GPX4: variants seen among roughly 807,000 people sequenced by gnomAD.
GPX4 encodes the protein glutathione peroxidase 4.
A neutral mutation model predicts 27.8 loss-of-function variants in GPX4; 28 were observed. The observed-to-expected ratio is 1.01, with a 90% CI of 0.75 to 1.38. The LOEUF is 1.38. GPX4 is among the 40% of genes most tolerant of loss of function. The probability of loss-of-function intolerance (pLI) is 0.00; values close to 1 mark genes in which losing one functional copy is unlikely to be tolerated. For synonymous variants in GPX4, 163 were observed against 107.8 expected, an observed-to-expected ratio of 1.51 and a Z score of -3.17; for missense variants, 357 against 274.1, an observed-to-expected ratio of 1.30 and a Z score of -2.14.
chr19:1,104,105 CGCCTG>C lies in GPX4; in HGVS notation c.71_75del (p.Leu24ArgfsTer30). 6.6e-7 allele frequency: 1 copy of C among 1,505,690 alleles called. No homozygotes were observed. The highest frequency in any genetic ancestry group is 8.8e-7 in the Non-Finnish European group (1 of 1,134,250). The allele number at this position is 1,505,690 out of a possible 1,614,324, so 93.3% of individuals were successfully genotyped here. On this transcript the variant is annotated frameshift_variant, in exon 1 of 7. Transcript: ENST00000354171. LOFTEE classifies it high-confidence loss of function. ...GCGCTGCTCTGTGGGGCTCTGGCCG[CGCCTG>C]GCCTGGCCGGGACCATGGTGAGCTA...
Position 1,105,576 on chromosome 19 carries a change from G to A in GPX4, c.324+66G>A, listed in dbSNP as rs1018888507. On this transcript the variant is annotated intron_variant, in intron 3 of 6. Transcript: ENST00000354171. ...TGGGGGTCGGGGTGGGCTCCAGCCTGGAGAGGGCCTGGGAGTGTGCAGGGG... is the reference window on the plus strand; with the variant it reads ...TGGGGGTCGGGGTGGGCTCCAGCCTAGAGAGGGCCTGGGAGTGTGCAGGGG... 4 of 1,601,614 alleles carry A rather than the reference G, an allele frequency of 2.5e-6. No homozygotes were observed. In the Admixed American group the frequency reaches 5.1e-5, roughly 20 times the overall value.
chr19:1,105,894 G>A, intron 4 of GPX4, 85 bp downstream of exon 4: 1 of 1,438,612 alleles, frequency 7.0e-7, no homozygotes, highest in Non-Finnish European at 9.3e-7. Flanking sequence ...GGGCAGAATG[G>A]CTCATGGCTC....
chr19:1,106,203 GCTGC>G, intron 4 of GPX4, 35 bp from the exon 5 acceptor site: 1 of 1,573,680 alleles, frequency 6.4e-7, no homozygotes, highest in Non-Finnish European at 8.6e-7. Context: ...ACTGTGGGGG[GCTGC>G]TGGGGACGCT....
intron 1 of GPX4, chr19:1,104,968 T>A (rs1389785039): frequency 6.8e-7 from 1 of 1,475,402 alleles, no homozygotes; most frequent in African/African-American, 1.4e-5. Context: ...TGTGGCACAT[T>A]TTGGGGTTGG....
chr19:1,106,586 T>C lies in GPX4; in HGVS notation c.*14T>C, dbSNP rs371481974. 3.8e-4 allele frequency: 609 copies of C among 1,613,252 alleles called. 4 individuals carry two copies. In the South Asian group the frequency reaches 5.8e-3, roughly 15 times the overall value. On this transcript the variant is annotated 3_prime_UTR_variant, in exon 7 of 7. Transcript: ENST00000354171. ...CACTATTTCTAGCTCCACAAGTGTG[T>C]GGCCCCGCCCGAGCCCCTGCCCACG...
rs147209672 is a variant in GPX4, at chr19:1,105,528, C to CG, written c.324+22dup. On this transcript the variant is annotated intron_variant, in intron 3 of 6. Coordinates refer to ENST00000354171, the MANE Select transcript of GPX4 (RefSeq NM_002085.5). Reference sequence around the variant, plus strand: ...GGAAGCAGGTGGGCTGCTGCGTCCCCGGGGCCCGCAGAGGCGGGTGGGTGG... The same window carrying CG: ...GGAAGCAGGTGGGCTGCTGCGTCCCCGGGGGCCCGCAGAGGCGGGTGGGTGG... The CG allele has an allele frequency of 4.4e-5, 41 of 927,038 alleles. No individual in the cohort carries two copies. The African/African-American group carries it at 6.0e-4, about 14-fold the overall frequency. The allele number at this position is 927,038 out of a possible 1,614,324, so 57.4% of individuals were successfully genotyped here. A position where few individuals can be genotyped will look rare whatever the true frequency, so the allele number is the denominator to read the frequency against.
chr19:1,104,765 C>G, intron 1 of GPX4: 1 of 986,958 alleles, frequency 1.0e-6, no homozygotes, highest in Non-Finnish European at 1.2e-6. Context: ...CTCCCCCGGG[C>G]GCCGCAGGCA....
Position 1,106,650 on chromosome 19 carries a change from T to G in GPX4, c.*78T>G. The G allele has an allele frequency of 6.3e-7, 1 of 1,586,656 alleles. No homozygotes were observed. Among genetic ancestry groups the G allele is most frequent in the Non-Finnish European group, 8.6e-7 (1 of 1,164,220 alleles). The stretch of plus-strand genomic sequence containing the variant: ...CCACCGGCACTCATGACGGCCTGCC[T>G]GCAAACCTGCTGGTGGGGCAGACCC... On this transcript the variant is annotated 3_prime_UTR_variant, in exon 7 of 7. Transcript: ENST00000354171.
intron 6 of GPX4, 22 bp downstream of exon 6, chr19:1,106,481 C>T (rs761538444): frequency 4.3e-5 from 70 of 1,610,600 alleles, no homozygotes; most frequent in African/African-American, 1.1e-4. Flanking sequence ...CTAGGGAGCC[C>T]GCTTGAGGCT....
At position 1,106,411 on chromosome 19, in the gene GPX4, C is replaced by T. The variant is rs1192146377; in HGVS notation, c.513C>T (p.Asp171=). ...CCGTCTCTCCACAGTTCCTCATCGA[C>T]AAGAACGGCTGCGTGGTGAAGCGCT... ...IKWNFTKFLI[D]KNGCVVKRYG... The change falls in exon 6 of 7, where the codon GAC becomes GAT. Residue 171 remains aspartate (D), a synonymous_variant. Coordinates refer to ENST00000354171, the MANE Select transcript of GPX4 (RefSeq NM_002085.5). 4 of 1,613,558 alleles carry T rather than the reference C, an allele frequency of 2.5e-6. No individual in the cohort carries two copies. Among genetic ancestry groups the T allele is most frequent in the Admixed American group, 1.7e-5 (1 of 60,012 alleles).
In GPX4 at chr19:1,106,531, C is replaced by A; in HGVS notation, c.562-9C>A. 6.2e-7 allele frequency: 1 copy of A among 1,613,116 alleles called. No homozygotes were observed. The highest frequency in any genetic ancestry group is 1.1e-5 in the South Asian group (1 of 91,076). On this transcript the variant is annotated splice_polypyrimidine_tract_variant and intron_variant, in intron 6 of 6. Transcript: ENST00000354171. Reference sequence around the variant, plus strand: ...GTAGCTGCCCTAACCCAGCTTTCCTCCCCGACAGGTGATAGAGAAGGACCT... The same window carrying A: ...GTAGCTGCCCTAACCCAGCTTTCCTACCCGACAGGTGATAGAGAAGGACCT...
At chr19:1,105,125 C>T in intron 1 of GPX4, 61 bp from the exon 2 acceptor site, 7 of 1,588,368 alleles carry the variant, frequency 4.4e-6, no homozygotes, top group Non-Finnish European at 6.0e-6. Context: ...CCCTTCCTGC[C>T]TCAGGGTCCC....
Position 1,106,609 on chromosome 19 carries a change from A to G in GPX4, c.*37A>G. On this transcript the variant is annotated 3_prime_UTR_variant, in exon 7 of 7. Coordinates refer to ENST00000354171, the MANE Select transcript of GPX4 (RefSeq NM_002085.5). ...TGTGGCCCCGCCCGAGCCCCTGCCC[A>G]CGCCCTTGGAGCCTTCCACCGGCAC... 6.2e-7 allele frequency: 1 copy of G among 1,612,100 alleles called. No homozygotes were observed. The highest frequency in any genetic ancestry group is 8.5e-7 in the Non-Finnish European group (1 of 1,179,390).
chr19:1,105,637 C>CA, intron 3 of GPX4, 21 bp from the exon 4 acceptor site: 2 of 1,611,024 alleles, frequency 1.2e-6, no homozygotes, highest in Non-Finnish European at 8.5e-7. Context: ...CCGACTCACT[C>CA]ACACACCTTG....
At position 1,105,479 on chromosome 19, in the gene GPX4, T is replaced by C; in HGVS notation, c.293T>C (p.Leu98Pro). 2 of 1,499,306 alleles carry C rather than the reference T, an allele frequency of 1.3e-6. No homozygotes were observed. Among genetic ancestry groups the C allele is most frequent in the Non-Finnish European group, 1.8e-6 (2 of 1,110,760 alleles). The allele number at this position is 1,499,306 out of a possible 1,614,324, so 92.9% of individuals were successfully genotyped here. ...TACGCTGAGTGTGGTTTGCGGATCCTGGCCTTCCCGTGTAACCAGTTCGGG... is the reference window on the plus strand; with the variant it reads ...TACGCTGAGTGTGGTTTGCGGATCCCGGCCTTCCCGTGTAACCAGTTCGGG... ...ARYAECGLRILAFPCNQFGKQ... is the reference protein window; with the variant it reads ...ARYAECGLRIPAFPCNQFGKQ... Residue 98 changes from leucine (L) to proline (P), a missense_variant, in exon 3 of 7, where the codon CTG (leucine) becomes CCG (proline). Coordinates refer to ENST00000354171, the MANE Select transcript of GPX4 (RefSeq NM_002085.5).
At chr19:1,105,845 TGGGGGTGGG>T in intron 4 of GPX4, 36 bp downstream of exon 4, 1 of 91,714 alleles carries the variant, frequency 1.1e-5, no homozygotes, top group Non-Finnish European at 2.3e-5. Flanking sequence ...GCTGCTGGGG[TGGGGGTGGG>T]GGGGCTGCTG....
In GPX4 at chr19:1,106,611, G is replaced by A. The variant is rs371303341; in HGVS notation, c.*39G>A. 3.2e-5 allele frequency: 52 copies of A among 1,611,580 alleles called. 1 individual carries two copies. Among genetic ancestry groups the A allele is most frequent in the African/African-American group, 1.6e-4 (12 of 74,952 alleles). On this transcript the variant is annotated 3_prime_UTR_variant, in exon 7 of 7. Coordinates refer to ENST00000354171, the MANE Select transcript of GPX4 (RefSeq NM_002085.5). ...TGGCCCCGCCCGAGCCCCTGCCCAC[G>A]CCCTTGGAGCCTTCCACCGGCACTC... is the stretch of plus-strand genomic sequence containing the variant.
intron 4 of GPX4, 132 bp from the exon 5 acceptor site, chr19:1,106,110 G>C (rs1599810591): frequency 7.0e-6 from 6 of 859,630 alleles, no homozygotes; most frequent in Non-Finnish European, 1.1e-5. Flanking sequence ...ATGGCTCTGG[G>C]GGGGCTTGGG....
At chr19:1,105,837 TGCTGG>T in intron 4 of GPX4, 28 bp downstream of exon 4, 1 of 426,668 alleles carries the variant, frequency 2.3e-6, no homozygotes. Flanking sequence ...ACAGTACGGC[TGCTGG>T]GGTGGGGGTG....
Sources: gnomAD v4.1 joint callset for allele counts on GRCh38, gnomAD v4.1.1 for gene constraint, MANE v1.5 for transcripts, NCBI Gene and HGNC (gene_info 2026-07-23, HGNC 2026-07-21) for gene names.